The following ROR2 variants were observed in gnomAD, a reference collection of about 807,000 sequenced individuals.
ROR2 encodes ROR family WNT receptor 2, also known as tyrosine-protein kinase transmembrane receptor ROR2.
A neutral mutation model predicts 74.9 loss-of-function variants in ROR2; 33 were observed. That is an observed-to-expected ratio of 0.44 (90% CI 0.33 to 0.59). The LOEUF (loss-of-function observed/expected upper bound fraction) is 0.59. ROR2 is among the 20% of genes least tolerant of loss of function. ROR2 has a pLI of 0.02. For synonymous variants in ROR2, 586 were observed against 558.7 expected (o/e 1.05, Z -0.69); for missense variants, 1,216 against 1,313.8 (o/e 0.93, Z 1.15).
intron 1 of ROR2, among the ~76,000 whole-genome samples, chr9:91,889,509 C>T (rs992874070): frequency 6.6e-6 from 1 of 152,198 alleles, no homozygotes; most frequent in Non-Finnish European, 1.5e-5. Flanking sequence ...CCTAGAGCTG[C>T]TGACCCTCTC....
intron 1 of ROR2, among the ~76,000 whole-genome samples, chr9:91,810,315 T>C (rs984868356): frequency 1.3e-5 from 2 of 152,128 alleles, no homozygotes; most frequent in Non-Finnish European, 2.9e-5. Context: ...TCTCAAGCAC[T>C]CAGGTGAGAG....
At chr9:91,948,405 G>T (rs1047947951) in intron 1 of ROR2, among the ~76,000 whole-genome samples, 5 of 152,232 alleles carry the variant, frequency 3.3e-5, no homozygotes, top group African/African-American at 1.2e-4. Context: ...ATCGACAGAG[G>T]TCTTGAGTGA....
chr9:91,876,588 G>A (rs2119351191), intron 1 of ROR2, among the ~76,000 whole-genome samples: 1 of 152,220 alleles, frequency 6.6e-6, no homozygotes, highest in East Asian at 1.9e-4. Flanking sequence ...AAACAGAGGT[G>A]CCAAGATAAG....
chr9:91,904,681 G>A (rs1406299063), intron 1 of ROR2, among the ~76,000 whole-genome samples: 2 of 152,162 alleles, frequency 1.3e-5, no homozygotes, highest in Non-Finnish European at 2.9e-5. Flanking sequence ...GTCCCTTCCA[G>A]GCTGTAAAGA....
chr9:91,903,154 TA>T (rs34224448), intron 1 of ROR2, among the ~76,000 whole-genome samples: 4,812 of 151,700 alleles, frequency 0.032, 116 homozygotes, highest in South Asian at 0.061. Flanking sequence ...CAAAAGCAAA[TA>T]AAAAAAATAC....
intron 1 of ROR2, among the ~76,000 whole-genome samples, chr9:91,809,525 C>T (rs751681080): frequency 1.5e-4 from 23 of 152,252 alleles, no homozygotes; most frequent in Non-Finnish European, 2.1e-4. Flanking sequence ...AAGCCACTGA[C>T]CCCTCAGCCC....
chr9:91,898,054 G>A (rs1271748485), intron 1 of ROR2, among the ~76,000 whole-genome samples: 1 of 151,948 alleles, frequency 6.6e-6, no homozygotes, highest in Non-Finnish European at 1.5e-5. Flanking sequence ...AGAACCCCTC[G>A]GGCCACACCC....
intron 4 of ROR2, among the ~76,000 whole-genome samples, chr9:91,741,366 A>C (rs1452935417): frequency 6.6e-6 from 1 of 151,274 alleles, no homozygotes; most frequent in Non-Finnish European, 1.5e-5. Flanking sequence ...CCTGGGTAAG[A>C]AAAGCAACAG....
intron 1 of ROR2, among the ~76,000 whole-genome samples, chr9:91,784,214 T>C (rs1826719863): frequency 6.6e-6 from 1 of 152,064 alleles, no homozygotes; most frequent in African/African-American, 2.4e-5. Flanking sequence ...AAGGCTGGAG[T>C]TCGTCTTGAC....
chr9:91,793,100 A>G (rs1486978718), intron 1 of ROR2, among the ~76,000 whole-genome samples: 1 of 152,148 alleles, frequency 6.6e-6, no homozygotes, highest in Non-Finnish European at 1.5e-5. Context: ...CCAGACAAAA[A>G]CATCGAAGGA....
rs552717097 is a variant in ROR2 at position 91,724,795 on chromosome 9, T to A, written c.1699A>T (p.Met567Leu). The change falls in exon 9 of 9, where the codon ATG (methionine) becomes TTG (leucine). Residue 567 changes from methionine to leucine, a missense_variant. Met to Leu is a conservative substitution (Grantham distance 15). Transcript: ENST00000375708. ...SHGDLHEFLV[M>L]RSPHSDVGST... Reference sequence around the variant, plus strand: ...CCCACGTCCGAGTGCGGCGAGCGCATGACCAGGAATTCGTGGAGGTCGCCG... The same window carrying A: ...CCCACGTCCGAGTGCGGCGAGCGCAAGACCAGGAATTCGTGGAGGTCGCCG... The A allele has an allele frequency of 5.6e-6, 9 of 1,610,202 alleles. No homozygotes were observed. The African/African-American group carries it at 9.3e-5, about 17-fold the overall frequency.
At chr9:91,760,955 C>A (rs1037137252) in intron 2 of ROR2, among the ~76,000 whole-genome samples, 3 of 152,110 alleles carry the variant, frequency 2.0e-5, no homozygotes, top group African/African-American at 7.2e-5. Context: ...TCTATTATTT[C>A]TGTCTAAATG....
intron 1 of ROR2, among the ~76,000 whole-genome samples, chr9:91,928,270 T>C (rs746339239): frequency 6.6e-6 from 1 of 152,128 alleles, no homozygotes; most frequent in Non-Finnish European, 1.5e-5. Flanking sequence ...CCCACTGCCT[T>C]GTATTTCCCA....
intron 1 of ROR2, among the ~76,000 whole-genome samples, chr9:91,796,311 T>A (rs889927999): frequency 6.6e-6 from 1 of 151,728 alleles, no homozygotes; most frequent in African/African-American, 2.4e-5. Context: ...CGCACGCCAG[T>A]AATCTCAGCT....
chr9:91,793,582 G>C (rs188758367), intron 1 of ROR2, among the ~76,000 whole-genome samples: 39 of 152,056 alleles, frequency 2.6e-4, no homozygotes, highest in African/African-American at 8.9e-4. Context: ...CCAACATAGT[G>C]AAACTCTGTC....
At chr9:91,825,371 G>A (rs1828255661) in intron 1 of ROR2, among the ~76,000 whole-genome samples, 1 of 152,172 alleles carries the variant, frequency 6.6e-6, no homozygotes, top group African/African-American at 2.4e-5. Context: ...AAACTTGTGG[G>A]GCACCCGGTG....
rs754411436 is a variant in ROR2, at chr9:91,730,915, G to A, written c.1178C>T (p.Ser393Leu). The A allele has an allele frequency of 7.4e-6, 12 of 1,614,028 alleles. No individual in the cohort carries two copies. The highest frequency in any genetic ancestry group is 5.5e-5 in the South Asian group (5 of 91,062). ...AAGAGAGAGAGAATACATACTACAC[G>A]AGGGTACGTCACACAGTTCCATGCG... ...NVRMELCDVPSCSPRDSSKMG... is the reference protein window; with the variant it reads ...NVRMELCDVPLCSPRDSSKMG... The change falls in exon 7 of 9, where the codon TCG (serine) becomes TTG (leucine). Residue 393 changes from serine to leucine, a missense_variant. Ser to Leu is a moderately radical substitution (Grantham distance 145). Transcript: ENST00000375708.
intron 1 of ROR2, among the ~76,000 whole-genome samples, chr9:91,909,847 G>GTTTTTTGTTTT (rs1564032282): frequency 4.5e-4 from 24 of 53,586 alleles, no homozygotes; most frequent in Admixed American, 6.7e-4. Flanking sequence ...GGTTTGTTTT[G>GTTTTTTGTTTT]TTTTTTTTTT....
intron 1 of ROR2, among the ~76,000 whole-genome samples, chr9:91,869,747 A>T (rs1659468080): frequency 6.6e-6 from 1 of 152,218 alleles, no homozygotes; most frequent in Non-Finnish European, 1.5e-5. Context: ...TGGCTATACA[A>T]AGCTACCCAT....
Sources: gnomAD v4.1 joint callset for allele counts (sites outside exome capture counted in the v4.1 genomes callset) on GRCh38, gnomAD v4.1.1 for gene constraint, MANE v1.5 for transcripts, NCBI Gene and HGNC (gene_info 2026-07-23, HGNC 2026-07-21) for gene names.